Variants in POTEC observed in about 807,000 individuals in gnomAD.
POTEC encodes the protein POTE ankyrin domain family member C.
POTEC carries 35 observed loss-of-function variants against 62.0 expected under a neutral mutation model. That is an observed-to-expected ratio of 0.56 (90% CI 0.43 to 0.75). The LOEUF is 0.75. Ranked by LOEUF, POTEC falls within the 30% of genes least tolerant of loss-of-function variation. The probability of loss-of-function intolerance (pLI) is 0.00; values close to 1 mark genes in which losing one functional copy is unlikely to be tolerated. For missense variants in POTEC, 472 were observed against 655.9 expected (o/e 0.72, Z 3.06); for synonymous variants, 156 against 221.5 (o/e 0.70, Z 2.62).
chr18:14,526,277 C>T (rs1450107268), intron 6 of POTEC, among the ~76,000 whole-genome samples: 1 of 152,084 alleles, frequency 6.6e-6, no homozygotes, highest in African/African-American at 2.4e-5. Context: ...CAGGTAACTC[C>T]TTCCTTGAGG....
chr18:14,517,840 G>A (rs1297044724), intron 9 of POTEC, among the ~76,000 whole-genome samples: 1 of 152,116 alleles, frequency 6.6e-6, no homozygotes, highest in Admixed American at 6.5e-5. Flanking sequence ...CAGCCTGGGG[G>A]ATACAGCGAG....
chr18:14,527,881 C>T (rs1910478236), intron 6 of POTEC: 1 of 152,148 alleles, frequency 6.6e-6, no homozygotes, highest in African/African-American at 2.4e-5. Context: ...TGATACTAGT[C>T]CAAGGGTGTG....
chr18:14,537,211 A>ACACACACACAC (rs1555624120), intron 3 of POTEC, among the ~76,000 whole-genome samples: 58 of 48,998 alleles, frequency 1.2e-3, no homozygotes, highest in East Asian at 6.3e-3. Flanking sequence ...ACACACACAC[A>ACACACACACAC]AAAAAAAAAA....
rs556708611 is a variant in POTEC, at chr18:14,530,119, G to A, written c.1126+364C>T. ...GTGATAGCACTAGATACTCATTGGA[G>A]CATGAACCCTGTTGTGAACTGCTCA... On this transcript the variant is annotated intron_variant, in intron 6 of 10. Coordinates refer to ENST00000358970, the MANE Select transcript of POTEC (RefSeq NM_001137671.2). 2.7e-3 allele frequency among the ~76,000 whole-genome samples: 411 copies of A among 151,788 alleles called. 3 individuals are homozygous for A. The highest frequency in any genetic ancestry group is 9.4e-3 in the African/African-American group (389 of 41,370).
At chr18:14,539,807 C>T (rs1905872541) in intron 1 of POTEC, among the ~76,000 whole-genome samples, 1 of 152,134 alleles carries the variant, frequency 6.6e-6, no homozygotes, top group African/African-American at 2.4e-5. Flanking sequence ...AGATTAAGTC[C>T]TAATGCCCCA....
chr18:14,539,391 A>T (rs1905857671), intron 1 of POTEC, among the ~76,000 whole-genome samples: 1 of 148,660 alleles, frequency 6.7e-6, no homozygotes, highest in Admixed American at 6.8e-5. Context: ...TAAGCCTAGT[A>T]CCCGTTAGTT....
In POTEC at chr18:14,507,695, T is replaced by C. The variant is rs1909882750; in HGVS notation, c.*4203A>G. The C allele has an allele frequency of 6.6e-6, 1 of 152,184 alleles. No homozygotes were observed. 9.4% of individuals were successfully genotyped at this position (152,184 alleles called of 1,614,324 possible). ...CATCACTTGTCTGTGTACTTCAGTG[T>C]GTTTTTGTAGTGGCTGGTGGTGGTC... On this transcript the variant is annotated 3_prime_UTR_variant, in exon 11 of 11. Coordinates refer to ENST00000358970, the MANE Select transcript of POTEC (RefSeq NM_001137671.2).
At chr18:14,535,632 A>G (rs1276407109) in intron 3 of POTEC, among the ~76,000 whole-genome samples, 1 of 151,906 alleles carries the variant, frequency 6.6e-6, no homozygotes, top group East Asian at 1.9e-4. Flanking sequence ...CATGGTTTTT[A>G]GTGTTTAAAC....
Position 14,543,475 on chromosome 18 carries a change from G to T in POTEC, c.-329C>A. 3 of 496,522 alleles carry T rather than the reference G, an allele frequency of 6.0e-6. No homozygotes were observed. Among genetic ancestry groups the T allele is most frequent in the Non-Finnish European group, 1.1e-5 (3 of 275,698 alleles). The allele number at this position is 496,522 out of a possible 1,614,324, so 30.8% of individuals were successfully genotyped here. A position where few individuals can be genotyped will look rare whatever the true frequency, so the allele number is the denominator to read the frequency against. The stretch of plus-strand genomic sequence containing the variant: ...TCAAGCCCAGCAAAGGAATGCGAGG[G>T]AGGAAACGCCAATCCAAGCAAGAAA... On this transcript the variant is annotated 5_prime_UTR_variant, in exon 1 of 11. Transcript: ENST00000358970.
In POTEC at chr18:14,511,934, T is replaced by C; in HGVS notation, c.1593A>G (p.Glu531=). ...CTCCAGAAATTAGCATGGCAATTTC[T>C]TCCTGCAACATGCTGTTTTCACGCA... ...DLLRENSMLQ[E]EIAMLISGDW... The change falls in exon 11 of 11, where the codon GAA becomes GAG. Residue 531 remains glutamate (E), a synonymous_variant. Transcript: ENST00000358970. 6.2e-7 allele frequency: 1 copy of C among 1,613,876 alleles called. No homozygotes were observed. The highest frequency in any genetic ancestry group is 8.5e-7 in the Non-Finnish European group (1 of 1,179,834).
Position 14,542,724 on chromosome 18 carries a change from G to C in POTEC, c.423C>G (p.Asp141Glu). The change falls in exon 1 of 11, where the codon GAC becomes GAG. Residue 141 changes from aspartate (D) to glutamate (E), a missense_variant. Coordinates refer to ENST00000358970, the MANE Select transcript of POTEC (RefSeq NM_001137671.2). The part of the protein sequence containing the change: ...PRYHVRREDL[D>E]KLHRAAWWGK... ...CCCACCAGGCAGCTCTGTGGAGCTT[G>C]TCCAGATCTTCTCGACGGACGTGGT... The C allele has an allele frequency of 6.2e-7, 1 of 1,613,254 alleles. No homozygotes were observed. The highest frequency in any genetic ancestry group is 8.5e-7 in the Non-Finnish European group (1 of 1,179,886).
intron 6 of POTEC, among the ~76,000 whole-genome samples, chr18:14,530,104 T>G (rs979604609): frequency 1.3e-5 from 2 of 151,730 alleles, no homozygotes; most frequent in African/African-American, 4.8e-5. Context: ...GTGATAGCAC[T>G]AGATACTCAT....
chr18:14,508,737 C>G lies in POTEC; in HGVS notation c.*3161G>C, dbSNP rs539386873. The G allele has an allele frequency of 1.3e-5, 2 of 152,726 alleles. No homozygotes were observed. Among genetic ancestry groups the G allele is most frequent in the Admixed American group, 1.3e-4 (2 of 15,300 alleles). The allele number at this position is 152,726 out of a possible 1,614,324, so 9.5% of individuals were successfully genotyped here. A position where few individuals can be genotyped will look rare whatever the true frequency, so the allele number is the denominator to read the frequency against. ...GCTTGTATCATTTCAGACATCTCAG[C>G]CTCAGCCCAGTTCTGAACACTTGCT... is the stretch of plus-strand genomic sequence containing the variant. On this transcript the variant is annotated 3_prime_UTR_variant, in exon 11 of 11. Transcript: ENST00000358970.
chr18:14,516,666 G>A lies in POTEC; in HGVS notation c.1410-2881C>T, dbSNP rs188130514. Reference sequence around the variant, plus strand: ...TGGAAACACAAAGCCAAACTACTGGGGGGGGGTGTATCCTTACTTTTAAAA... The same window carrying A: ...TGGAAACACAAAGCCAAACTACTGGAGGGGGGTGTATCCTTACTTTTAAAA... On this transcript the variant is annotated intron_variant, in intron 9 of 10. Coordinates refer to ENST00000358970, the MANE Select transcript of POTEC (RefSeq NM_001137671.2). Among the ~76,000 whole-genome samples the A allele has an allele frequency of 2.4e-3, 345 of 144,742 alleles. 14 individuals carry two copies. Among genetic ancestry groups the A allele is most frequent in the African/African-American group, 8.7e-3 (330 of 37,830 alleles). The allele number at this position is 144,742 out of a possible 152,430, so 95.0% of individuals were successfully genotyped here. A position where few individuals can be genotyped will look rare whatever the true frequency, so the allele number is the denominator to read the frequency against.
chr18:14,532,650 T>C (rs1905565181), intron 5 of POTEC, among the ~76,000 whole-genome samples: 2 of 152,156 alleles, frequency 1.3e-5, no homozygotes, highest in Non-Finnish European at 2.9e-5. Context: ...TGAACCCCTT[T>C]GGTTCTTGAA....
At chr18:14,519,372 A>T (rs139537781) in intron 9 of POTEC, among the ~76,000 whole-genome samples, 1,624 of 152,244 alleles carry the variant, frequency 0.011, 32 homozygotes, top group African/African-American at 0.037. Context: ...AAGGAGAGAG[A>T]TCTGAGCTGG....
At chr18:14,524,503 G>T (rs1910387989) in intron 7 of POTEC, among the ~76,000 whole-genome samples, 2 of 152,152 alleles carry the variant, frequency 1.3e-5, no homozygotes, top group African/African-American at 4.8e-5. Flanking sequence ...TCCAATAATT[G>T]ATGTTACTTT....
rs1905997795 is a variant in POTEC at position 14,542,889 on chromosome 18, ATGG to A, written c.255_257del (p.His86del). On this transcript the variant is annotated inframe_deletion, in exon 1 of 11. Transcript: ENST00000358970. ...TGAGCGTCTTCATAAAGGAGTTGTC[ATGG>A]TCTCCAGAAGTGCCCACGTTGCTCG... is the stretch of plus-strand genomic sequence containing the variant. 5 of 1,298,252 alleles carry A rather than the reference ATGG, an allele frequency of 3.9e-6. No individual in the cohort carries two copies. The highest frequency in any genetic ancestry group is 3.0e-5 in the African/African-American group (2 of 67,374). 80.4% of individuals were successfully genotyped at this position (1,298,252 alleles called of 1,614,324 possible).
At chr18:14,514,781 T>C (rs908790324) in intron 9 of POTEC, among the ~76,000 whole-genome samples, 1 of 152,162 alleles carries the variant, frequency 6.6e-6, no homozygotes, top group African/African-American at 2.4e-5. Context: ...TCAGCAATGA[T>C]ATGATCTTAT....
Sources: gnomAD v4.1 joint callset for allele counts (sites outside exome capture counted in the v4.1 genomes callset) on GRCh38, gnomAD v4.1.1 for gene constraint, MANE v1.5 for transcripts, NCBI Gene and HGNC (gene_info 2026-07-23, HGNC 2026-07-21) for gene names.